Variants in MUC17 observed in about 807,000 individuals in gnomAD.
MUC17 encodes mucin-17.
Under a neutral mutation model 170.3 loss-of-function variants are expected in MUC17, and 190 were observed. That is an observed-to-expected ratio of 1.12 (90% CI 0.99 to 1.26). The LOEUF (loss-of-function observed/expected upper bound fraction) is 1.26, where lower values mean the gene tolerates loss of function less well. Ranked by LOEUF, MUC17 falls within the 50% of genes most tolerant of loss-of-function variation. The pLI is 0.00. For missense variants in MUC17, 6,415 were observed against 5,530.0 expected (o/e 1.16, Z -5.08); for synonymous variants, 2,325 against 2,002.5 (o/e 1.16, Z -4.30).
At chr7:101,023,188 G>A (rs1794125126) in intron 1 of MUC17, among the ~76,000 whole-genome samples, 1 of 151,994 alleles carries the variant, frequency 6.6e-6, no homozygotes, top group Non-Finnish European at 1.5e-5. Context: ...GGGTGTGTCT[G>A]TCTCTGTGTT....
Position 101,033,040 on chromosome 7 carries a change from G to C in MUC17, c.1624G>C (p.Val542Leu), listed in dbSNP as rs762018725. 2.5e-6 allele frequency: 4 copies of C among 1,613,696 alleles called. No individual in the cohort carries two copies. In the East Asian group the frequency reaches 6.7e-5, roughly 27 times the overall value. Reference protein sequence around the residue: ...STTPVDTSTPVTTSSEASSSS... With the variant: ...STTPVDTSTPLTTSSEASSSS... ...AACTCCTGTTGACACCAGCACACCT[G>C]TGACCACTTCTAGTGAAGCCAGTTC... The change falls in exon 3 of 13, where the codon GTG (valine) becomes CTG (leucine). Residue 542 changes from valine (V) to leucine (L), a missense_variant. Val to Leu is a conservative substitution (Grantham distance 32). Transcript: ENST00000306151.
At position 101,053,366 on chromosome 7, in the gene MUC17, C is replaced by T. The variant is rs769211690; in HGVS notation, c.13293C>T (p.Tyr4431=). 3 of 1,614,098 alleles carry T rather than the reference C, an allele frequency of 1.9e-6. No homozygotes were observed. The highest frequency in any genetic ancestry group is 2.2e-5 in the South Asian group (2 of 91,076). ...KRQKYRLSQL[Y]KWQEEDSGPA... ...AAAAGTACAGATTGTCTCAGTTATA[C>T]AAGTGGCAAGAAGAGGACAGTGGAC... Residue 4431 remains tyrosine (Y), a synonymous_variant, in exon 11 of 13, where the codon TAC becomes TAT. Transcript: ENST00000306151.
In MUC17 at chr7:101,042,213, T is replaced by A. The variant is rs1252386352; in HGVS notation, c.10797T>A (p.Pro3599=). The change falls in exon 3 of 13, where the codon CCT becomes CCA. Residue 3599 remains proline (P), a synonymous_variant. Transcript: ENST00000306151. The part of the protein sequence containing the change: ...TSSEASTPST[P]SVDRSTPVTT... ...CTGAGGCTAGCACACCTTCCACTCCTTCTGTTGACAGAAGCACACCTGTGA... is the reference window on the plus strand; with the variant it reads ...CTGAGGCTAGCACACCTTCCACTCCATCTGTTGACAGAAGCACACCTGTGA... The A allele has an allele frequency of 1.2e-6, 2 of 1,614,164 alleles. No homozygotes were observed. The highest frequency in any genetic ancestry group is 1.7e-6 in the Non-Finnish European group (2 of 1,180,018).
Position 101,040,359 on chromosome 7 carries a change from T to A in MUC17, c.8943T>A (p.Thr2981=). 1 of 1,611,958 alleles carries A rather than the reference T, an allele frequency of 6.2e-7. No homozygotes were observed. Among genetic ancestry groups the A allele is most frequent in the Non-Finnish European group, 8.5e-7 (1 of 1,179,432 alleles). ...TAEGTSMPIS[T]PGERRTPLTS... is the part of the protein sequence containing the mutation. ...AAGGTACCAGCATGCCAATCTCAAC[T>A]CCTGGCGAAAGAAGAACTCCATTAA... is the stretch of plus-strand genomic sequence containing the variant. Residue 2981 remains threonine (T), a synonymous_variant, in exon 3 of 13, where the codon ACT becomes ACA. Transcript: ENST00000306151.
At chr7:101,031,487 G>T in intron 2 of MUC17, 114 bp from the exon 3 acceptor site, 1 of 1,181,814 alleles carries the variant, frequency 8.5e-7, no homozygotes, top group East Asian at 2.6e-5. Context: ...CCTGAAAACG[G>T]ATGACATCCC....
At chr7:101,046,822 G>A (rs891480626) in intron 3 of MUC17, among the ~76,000 whole-genome samples, 3 of 152,136 alleles carry the variant, frequency 2.0e-5, no homozygotes, top group Non-Finnish European at 4.4e-5. Context: ...GCTCACACCT[G>A]TAATCCCAGC....
At chr7:101,054,576 C>A (rs1795014962) in intron 11 of MUC17, among the ~76,000 whole-genome samples, 1 of 152,130 alleles carries the variant, frequency 6.6e-6, no homozygotes, top group South Asian at 2.1e-4. Flanking sequence ...TGCTTACAGT[C>A]CCAATGCTTT....
In MUC17 at chr7:101,042,236, T is replaced by G; in HGVS notation, c.10820T>G (p.Val3607Gly). The change falls in exon 3 of 13, where the codon GTG becomes GGG. Residue 3607 changes from valine to glycine, a missense_variant. By Grantham distance (109) the Val-to-Gly change is moderately radical (BLOSUM62 -3). Coordinates refer to ENST00000306151, the MANE Select transcript of MUC17 (RefSeq NM_001040105.2). ...STPSVDRSTPVTTSTQSNSTP... is the reference protein window; with the variant it reads ...STPSVDRSTPGTTSTQSNSTP... ...CCTTCTGTTGACAGAAGCACACCTG[T>G]GACCACTTCTACTCAGAGCAATTCT... The G allele has an allele frequency of 3.1e-6, 5 of 1,614,210 alleles. No homozygotes were observed. The highest frequency in any genetic ancestry group is 3.4e-6 in the Non-Finnish European group (4 of 1,180,030).
Position 101,038,326 on chromosome 7 carries a change from G to T in MUC17, c.6910G>T (p.Val2304Phe). ...SEVSTLSTTPVDSNTPFTTST... is the reference protein window; with the variant it reads ...SEVSTLSTTPFDSNTPFTTST... Reference sequence around the variant, plus strand: ...GGTTAGCACCCTTTCAACAACTCCTGTTGACTCCAACACTCCTTTCACTAC... The same window carrying T: ...GGTTAGCACCCTTTCAACAACTCCTTTTGACTCCAACACTCCTTTCACTAC... The change falls in exon 3 of 13, where the codon GTT (valine) becomes TTT (phenylalanine). Residue 2304 changes from valine (V) to phenylalanine (F), a missense_variant. Val to Phe is a conservative substitution (Grantham distance 50). Transcript: ENST00000306151. 1 of 1,613,374 alleles carries T rather than the reference G, an allele frequency of 6.2e-7. No individual in the cohort carries two copies. Among genetic ancestry groups the T allele is most frequent in the Non-Finnish European group, 8.5e-7 (1 of 1,179,708 alleles).
In MUC17 at chr7:101,032,118, C is replaced by G. The variant is rs1440333373; in HGVS notation, c.702C>G (p.Ile234Met). 6.2e-7 allele frequency: 1 copy of G among 1,613,668 alleles called. No individual in the cohort carries two copies. The highest frequency in any genetic ancestry group is 8.5e-7 in the Non-Finnish European group (1 of 1,179,942). The change falls in exon 3 of 13, where the codon ATC (isoleucine) becomes ATG (methionine). Residue 234 changes from isoleucine to methionine, a missense_variant. Ile to Met is a conservative substitution (Grantham distance 10). Transcript: ENST00000306151. Reference sequence around the variant, plus strand: ...TGAAGGTGGCCAGTTCAGAGGCTATCACCCTTTTGACAACTCCTGTTGAAA... The same window carrying G: ...TGAAGGTGGCCAGTTCAGAGGCTATGACCCTTTTGACAACTCCTGTTGAAA... ...STMKVASSEA[I>M]TLLTTPVEIS...
chr7:101,034,877 C>G lies in MUC17; in HGVS notation c.3461C>G (p.Pro1154Arg), dbSNP rs752809236. The G allele has an allele frequency of 6.2e-7, 1 of 1,613,340 alleles. No individual in the cohort carries two copies. Among genetic ancestry groups the G allele is most frequent in the Non-Finnish European group, 8.5e-7 (1 of 1,179,912 alleles). Residue 1154 changes from proline (P) to arginine (R), a missense_variant, in exon 3 of 13, where the codon CCT becomes CGT. Pro to Arg is a moderately radical substitution (Grantham distance 103). Transcript: ENST00000306151. Reference protein sequence around the residue: ...TAEGTSIPTSPPSEGTTPLAS... With the variant: ...TAEGTSIPTSRPSEGTTPLAS... ...GAAGGTACCAGCATACCAACCTCAC[C>G]TCCCAGTGAAGGAACCACTCCGTTA... is the stretch of plus-strand genomic sequence containing the variant.
At chr7:101,052,548 C>T (rs181586831) in intron 9 of MUC17, among the ~76,000 whole-genome samples, 1 of 152,212 alleles carries the variant, frequency 6.6e-6, no homozygotes, top group East Asian at 1.9e-4. Context: ...TTAGAGAGGG[C>T]ATCTCAAGGC....
In MUC17 at chr7:101,020,368, C is replaced by G. The variant is rs1794050779; in HGVS notation, c.82+151C>G. Reference sequence around the variant, plus strand: ...CTCAGCCCTGTGCCTACCCCCTGGACTTCTCTTCTCTCCCCAGCGAGCTTT... The same window carrying G: ...CTCAGCCCTGTGCCTACCCCCTGGAGTTCTCTTCTCTCCCCAGCGAGCTTT... On this transcript the variant is annotated intron_variant, in intron 1 of 12. Transcript: ENST00000306151. 5.8e-6 allele frequency: 3 copies of G among 513,728 alleles called. No homozygotes were observed. The Admixed American group carries it at 1.2e-4, about 21-fold the overall frequency. The allele number at this position is 513,728 out of a possible 1,614,324, so 31.8% of individuals were successfully genotyped here.
chr7:101,021,251 T>G (rs190850529), intron 1 of MUC17, among the ~76,000 whole-genome samples: 1 of 148,292 alleles, frequency 6.7e-6, no homozygotes, highest in African/African-American at 2.5e-5. Context: ...TGTAGCGTGA[T>G]GTCAGCCCAC....
rs1374757047 is a variant in MUC17 at position 101,039,249 on chromosome 7, C to G, written c.7833C>G (p.Thr2611=). The change falls in exon 3 of 13, where the codon ACC becomes ACG. Residue 2611 remains threonine (T), a synonymous_variant. Coordinates refer to ENST00000306151, the MANE Select transcript of MUC17 (RefSeq NM_001040105.2). ...TACCTGTCACCACTTCTACTGAAAC[C>G]AGTTCATCTCCTACAACTGCAAAAG... The part of the protein sequence containing the change: ...TSIPVTTSTE[T]SSSPTTAKDT... 5 of 1,613,594 alleles carry G rather than the reference C, an allele frequency of 3.1e-6. No homozygotes were observed. Among genetic ancestry groups the G allele is most frequent in the Non-Finnish European group, 4.2e-6 (5 of 1,179,946 alleles).
chr7:101,039,817 CCAACCTCAACTCCTA>C lies in MUC17; in HGVS notation c.8402_8416del (p.Pro2801_Ser2806delinsArg). The C allele has an allele frequency of 5.0e-6, 8 of 1,609,464 alleles. No individual in the cohort carries two copies. In the African/African-American group the frequency reaches 9.4e-5, roughly 19 times the overall value. On this transcript the variant is annotated inframe_deletion, in exon 3 of 13. Coordinates refer to ENST00000306151, the MANE Select transcript of MUC17 (RefSeq NM_001040105.2). ...TACAACTGCTGAAGTTACCAGCATG[CCAACCTCAACTCCTA>C]GTGAAACAAGTACTCCATTAACTAG...
chr7:101,038,765 C>G lies in MUC17; in HGVS notation c.7349C>G (p.Pro2450Arg). 1.2e-6 allele frequency: 2 copies of G among 1,613,154 alleles called. No homozygotes were observed. Among genetic ancestry groups the G allele is most frequent in the Non-Finnish European group, 8.5e-7 (1 of 1,179,220 alleles). ...GAAGGTACCAGCATACCAACCTCAC[C>G]TCCTAGTGAAGGAACCACTCCGTTA... is the stretch of plus-strand genomic sequence containing the variant. Reference protein sequence around the residue: ...TAEGTSIPTSPPSEGTTPLAS... With the variant: ...TAEGTSIPTSRPSEGTTPLAS... The change falls in exon 3 of 13, where the codon CCT (proline) becomes CGT (arginine). Residue 2450 changes from proline (P) to arginine (R), a missense_variant. Pro to Arg is a moderately radical substitution (Grantham distance 103). Coordinates refer to ENST00000306151, the MANE Select transcript of MUC17 (RefSeq NM_001040105.2).
chr7:101,047,496 T>C (rs866487625), intron 3 of MUC17, among the ~76,000 whole-genome samples: 4 of 152,164 alleles, frequency 2.6e-5, no homozygotes, highest in African/African-American at 9.7e-5. Context: ...TAATAGTAAC[T>C]GTCCTGTGCA....
Position 101,032,570 on chromosome 7 carries a change from C to T in MUC17, c.1154C>T (p.Thr385Ile), listed in dbSNP as rs1262522039. ...ACTGCTGAAGCTACCAGCATGCTAA[C>T]CTCAACTCTTAGTGAAGGAAGCACT... ...PTTAEATSMLTSTLSEGSTPL... is the reference protein window; with the variant it reads ...PTTAEATSMLISTLSEGSTPL... The change falls in exon 3 of 13, where the codon ACC (threonine) becomes ATC (isoleucine). Residue 385 changes from threonine to isoleucine, a missense_variant. By Grantham distance (89) the Thr-to-Ile change is moderately conservative. Coordinates refer to ENST00000306151, the MANE Select transcript of MUC17 (RefSeq NM_001040105.2). The T allele has an allele frequency of 1.2e-6, 2 of 1,613,698 alleles. No individual in the cohort carries two copies. Among genetic ancestry groups the T allele is most frequent in the Non-Finnish European group, 1.7e-6 (2 of 1,179,902 alleles).
Sources: allele counts gnomAD v4.1 joint callset (sites outside exome capture counted in the v4.1 genomes callset), GRCh38; gene constraint gnomAD v4.1.1; transcripts MANE v1.5; gene names NCBI Gene and HGNC (gene_info 2026-07-23, HGNC 2026-07-21).